Variants in ZNF407 observed in about 807,000 individuals in gnomAD.
ZNF407 encodes the protein zinc finger protein 407.
A neutral mutation model predicts 131.2 loss-of-function variants in ZNF407; 17 were observed. That is an observed-to-expected ratio of 0.13 (90% CI 0.09 to 0.19). The LOEUF is 0.19. Among genes scored for constraint, ZNF407 ranks in the 10% least tolerant of loss-of-function variants. ZNF407 has a pLI of 1.00. For synonymous variants in ZNF407, 1,156 were observed against 1,062.0 expected, an observed-to-expected ratio of 1.09 and a Z score of -1.72; for missense variants, 2,681 against 2,830.6, an observed-to-expected ratio of 0.95 and a Z score of 1.20.
At chr18:74,754,301 C>T (rs1445491543) in intron 3 of ZNF407, among the ~76,000 whole-genome samples, 2 of 152,066 alleles carry the variant, frequency 1.3e-5, no homozygotes, top group South Asian at 4.1e-4. Context: ...AAAACCAGTT[C>T]CTGGATTCAT....
chr18:74,767,649 CTTTTTT>C (rs71905017), intron 3 of ZNF407, among the ~76,000 whole-genome samples: 199 of 84,408 alleles, frequency 2.4e-3, no homozygotes, highest in Non-Finnish European at 3.6e-3. Context: ...TCTGAATTCT[CTTTTTT>C]TTTTTTTTTT....
At chr18:74,775,723 T>A (rs553920223) in intron 3 of ZNF407, among the ~76,000 whole-genome samples, 1 of 151,520 alleles carries the variant, frequency 6.6e-6, no homozygotes, top group South Asian at 2.1e-4. Context: ...AGAAAGGAGG[T>A]TTAATTGGCT....
At chr18:74,969,044 A>T (rs1353714228) in intron 8 of ZNF407, among the ~76,000 whole-genome samples, 1 of 152,054 alleles carries the variant, frequency 6.6e-6, no homozygotes. Flanking sequence ...TCGCCACTCC[A>T]TTGTGGAGCC....
intron 4 of ZNF407, among the ~76,000 whole-genome samples, chr18:74,790,390 T>A (rs894194393): frequency 1.3e-5 from 2 of 152,238 alleles, no homozygotes; most frequent in Non-Finnish European, 2.9e-5. Flanking sequence ...TGTTGTCTGC[T>A]GTGACAAATT....
At chr18:74,804,864 A>G (rs1221124609) in intron 4 of ZNF407, among the ~76,000 whole-genome samples, 2 of 152,192 alleles carry the variant, frequency 1.3e-5, no homozygotes, top group Non-Finnish European at 2.9e-5. Context: ...ACCTCCTTCC[A>G]ACCACCCTGC....
intron 4 of ZNF407, among the ~76,000 whole-genome samples, chr18:74,837,593 T>C (rs1970575688): frequency 6.6e-6 from 1 of 152,194 alleles, no homozygotes; most frequent in South Asian, 2.1e-4. Context: ...GAAATTCTAA[T>C]GCCTATCTTT....
At chr18:74,985,594 G>A (rs1453099283) in intron 8 of ZNF407, among the ~76,000 whole-genome samples, 1 of 152,218 alleles carries the variant, frequency 6.6e-6, no homozygotes, top group Non-Finnish European at 1.5e-5. Flanking sequence ...TCGGAATTAA[G>A]AGAAAAAGAA....
intron 3 of ZNF407, among the ~76,000 whole-genome samples, chr18:74,762,714 A>G (rs1182871614): frequency 7.9e-5 from 12 of 151,816 alleles, no homozygotes; most frequent in Admixed American, 7.9e-4. Flanking sequence ...TTTTTTTTAA[A>G]ATCATCATAG....
intron 1 of ZNF407, among the ~76,000 whole-genome samples, chr18:74,628,605 A>G (rs1983905550): frequency 6.6e-6 from 1 of 151,988 alleles, no homozygotes; most frequent in Non-Finnish European, 1.5e-5. Context: ...ATTTTCAGAG[A>G]CAAGGTCTCT....
At chr18:74,640,882 A>C (rs1460854135) in intron 2 of ZNF407, 126 bp from the exon 3 acceptor site, 1 of 668,032 alleles carries the variant, frequency 1.5e-6, no homozygotes, top group Non-Finnish European at 2.6e-6. Flanking sequence ...GAATGCAAGT[A>C]TTCCATTTTG....
intron 3 of ZNF407, among the ~76,000 whole-genome samples, chr18:74,714,850 G>A (rs1036127779): frequency 6.6e-6 from 1 of 152,130 alleles, no homozygotes; most frequent in East Asian, 1.9e-4. Context: ...GACATAAGGA[G>A]TCAAATAGGA....
At chr18:74,728,556 G>A (rs1415880022) in intron 3 of ZNF407, among the ~76,000 whole-genome samples, 1 of 152,194 alleles carries the variant, frequency 6.6e-6, no homozygotes, top group African/African-American at 2.4e-5. Flanking sequence ...ATTCCTTCTA[G>A]TGTTGATTGC....
intron 4 of ZNF407, among the ~76,000 whole-genome samples, chr18:74,872,606 A>G (rs757632889): frequency 6.6e-6 from 1 of 151,910 alleles, no homozygotes; most frequent in Non-Finnish European, 1.5e-5. Flanking sequence ...AAATACAAAA[A>G]ATTAGCCAGG....
intron 1 of ZNF407, among the ~76,000 whole-genome samples, chr18:74,607,296 G>A (rs1282372294): frequency 2.0e-5 from 3 of 152,142 alleles, no homozygotes; most frequent in African/African-American, 7.2e-5. Context: ...TGCCAGTCCT[G>A]AGACCACACT....
At chr18:74,899,770 A>G (rs1971498813) in intron 7 of ZNF407, among the ~76,000 whole-genome samples, 1 of 152,158 alleles carries the variant, frequency 6.6e-6, no homozygotes, top group Non-Finnish European at 1.5e-5. Flanking sequence ...GTGTTGATGA[A>G]ATAGGAGAGT....
In ZNF407 at chr18:74,740,509, A is replaced by G. The variant is rs77956693; in HGVS notation, c.4803-40919A>G. Among the ~76,000 whole-genome samples, 1,066 of 152,210 alleles carry G rather than the reference A, an allele frequency of 7.0e-3. 9 individuals carry two copies. The highest frequency in any genetic ancestry group is 0.024 in the African/African-American group (1,002 of 41,524). On this transcript the variant is annotated intron_variant, in intron 3 of 8. Transcript: ENST00000299687. ...TGTTACATCTGTCTGCCAACCATAG[A>G]TCCCTTGCATGTTTAGTCCAAAGTA...
At chr18:74,724,424 T>C (rs1437014637) in intron 3 of ZNF407, among the ~76,000 whole-genome samples, 1 of 152,158 alleles carries the variant, frequency 6.6e-6, no homozygotes, top group Non-Finnish European at 1.5e-5. Flanking sequence ...AACACCAGAA[T>C]GTATCCCTCC....
Position 74,881,076 on chromosome 18 carries a change from C to G in ZNF407, c.5085C>G (p.Gly1695=), listed in dbSNP as rs34940122. 35 of 1,556,914 alleles carry G rather than the reference C, an allele frequency of 2.2e-5. No homozygotes were observed. Among genetic ancestry groups the G allele is most frequent in the East Asian group, 2.4e-5 (1 of 41,748 alleles). The change falls in exon 6 of 9, where the codon GGC becomes GGG. Residue 1695 remains glycine, a synonymous_variant. Transcript: ENST00000299687. ...TGTGTGACCTCTGCGGCTTTGCCGG[C>G]GGGACCCGCCACGCCCTCACCAAGC... ...SFLCDLCGFA[G]GTRHALTKHR... is the part of the protein sequence containing the mutation.
chr18:75,052,676 T>C (rs1257723402), intron 8 of ZNF407, among the ~76,000 whole-genome samples: 1 of 152,212 alleles, frequency 6.6e-6, no homozygotes, highest in Non-Finnish European at 1.5e-5. Flanking sequence ...TAGAGCTCGT[T>C]TCTTAGGTAC....
Sources: allele counts gnomAD v4.1 joint callset (sites outside exome capture counted in the v4.1 genomes callset), GRCh38; gene constraint gnomAD v4.1.1; transcripts MANE v1.5; gene names NCBI Gene and HGNC (gene_info 2026-07-23, HGNC 2026-07-21).